SPATA32: variants seen among roughly 807,000 people sequenced by gnomAD.
SPATA32 encodes spermatogenesis-associated protein 32.
Under a neutral mutation model 35.4 loss-of-function variants are expected in SPATA32, and 28 were observed. That is an observed-to-expected ratio of 0.79 (90% CI 0.59 to 1.09). The LOEUF (loss-of-function observed/expected upper bound fraction) is 1.09. SPATA32 is among the 50% of genes least tolerant of loss of function. SPATA32 has a pLI of 0.00. For synonymous variants in SPATA32, 168 were observed against 196.3 expected, an observed-to-expected ratio of 0.86 and a Z score of 1.20; for missense variants, 409 against 475.9, an observed-to-expected ratio of 0.86 and a Z score of 1.31.
rs1217403502 is a variant in SPATA32 at position 45,255,060 on chromosome 17, C to T, written c.1067+55G>A. ...CCCCTACCCAGCTGTGTGAGGACCC[C>T]TGCCACGTTCTAGCACAGCCCCTCT... On this transcript the variant is annotated intron_variant, in intron 4 of 4. Coordinates refer to ENST00000331780, the MANE Select transcript of SPATA32 (RefSeq NM_152343.3). This position sits in a 1 kb window ranked among gnomAD's most constrained non-coding sequence, Gnocchi z 5.4. 1.9e-6 allele frequency: 3 copies of T among 1,559,568 alleles called. No homozygotes were observed. The African/African-American group carries it at 4.1e-5, about 21-fold the overall frequency.
intron 1 of SPATA32, among the ~76,000 whole-genome samples, chr17:45,258,206 T>G (rs1448221373): frequency 1.3e-5 from 2 of 152,164 alleles, no homozygotes; most frequent in East Asian, 3.9e-4. Context: ...GCATGGCTGG[T>G]CTTGGGATTG....
intron 1 of SPATA32, among the ~76,000 whole-genome samples, chr17:45,258,694 G>C (rs1284570944): frequency 6.6e-6 from 1 of 152,320 alleles, no homozygotes; most frequent in Non-Finnish European, 1.5e-5. Flanking sequence ...GAGTGTAGTG[G>C]TGTGATCTCG....
In SPATA32 at chr17:45,256,467, G is replaced by C; in HGVS notation, c.69-52C>G. 6.4e-7 allele frequency: 1 copy of C among 1,551,676 alleles called. No homozygotes were observed. The highest frequency in any genetic ancestry group is 1.1e-5 in the South Asian group (1 of 89,794). On this transcript the variant is annotated intron_variant, in intron 2 of 4. Coordinates refer to ENST00000331780, the MANE Select transcript of SPATA32 (RefSeq NM_152343.3). This position sits in a 1 kb window ranked among gnomAD's most constrained non-coding sequence, Gnocchi z 4.7. Reference sequence around the variant, plus strand: ...GATGGGGATCTGTGGGGCTTCAGCGGGAAGGGGGTTTCTGGGGCCCTCAAA... The same window carrying C: ...GATGGGGATCTGTGGGGCTTCAGCGCGAAGGGGGTTTCTGGGGCCCTCAAA...
intron 1 of SPATA32, among the ~76,000 whole-genome samples, 197 bp from the exon 2 acceptor site, chr17:45,257,404 C>T (rs75579233): frequency 2.0e-5 from 3 of 152,162 alleles, no homozygotes; most frequent in Non-Finnish European, 2.9e-5. Flanking sequence ...CTCCACTCTC[C>T]GTCTGTGCCT....
In SPATA32 at chr17:45,256,176, G is replaced by T; in HGVS notation, c.109-103C>A. The T allele has an allele frequency of 2.9e-6, 4 of 1,373,540 alleles. No individual in the cohort carries two copies. The highest frequency in any genetic ancestry group is 2.0e-5 in the Admixed American group (1 of 50,786). 85.1% of individuals were successfully genotyped at this position (1,373,540 alleles called of 1,614,324 possible). ...CTGCCCCACCCCTGCCCTGGGTCCT[G>T]CTGTCTTCCCCCCGCCCCCTAACCC... On this transcript the variant is annotated intron_variant, in intron 3 of 4. Coordinates refer to ENST00000331780, the MANE Select transcript of SPATA32 (RefSeq NM_152343.3). This position sits in a 1 kb window ranked among gnomAD's most constrained non-coding sequence, Gnocchi z 4.7.
chr17:45,258,035 C>T (rs917084266), intron 1 of SPATA32, among the ~76,000 whole-genome samples: 1 of 152,180 alleles, frequency 6.6e-6, no homozygotes, highest in Non-Finnish European at 1.5e-5. Flanking sequence ...ATCATGACAA[C>T]CCTGCCATCA....
At chr17:45,259,663 G>A (rs113187844) in intron 1 of SPATA32, among the ~76,000 whole-genome samples, 4 of 152,072 alleles carry the variant, frequency 2.6e-5, no homozygotes, top group African/African-American at 4.8e-5. Flanking sequence ...GGGACTACAC[G>A]TGTTCACCAC....
rs1399923921 is a variant in SPATA32 at position 45,255,915 on chromosome 17, C to A, written c.267G>T (p.Thr89=). The A allele has an allele frequency of 5.6e-6, 9 of 1,614,134 alleles. No homozygotes were observed. The East Asian group carries it at 2.0e-4, about 36-fold the overall frequency. The part of the protein sequence containing the change: ...PALKLEAELD[T]EANSNEESDF... ...CAGACTCCTCGTTCGAGTTGGCTTC[C>A]GTGTCCAGCTCAGCTTCAAGCTTGA... Residue 89 remains threonine (T), a synonymous_variant, in exon 4 of 5, where the codon ACG becomes ACT. Transcript: ENST00000331780. The surrounding 1 kb of genome is among the most constrained non-coding windows in gnomAD (Gnocchi z 5.4).
rs143965977 is a variant in SPATA32 at position 45,255,094 on chromosome 17, T to C, written c.1067+21A>G. 1,213 of 1,608,838 alleles carry C rather than the reference T, an allele frequency of 7.5e-4. 16 individuals carry two copies. In the African/African-American group the frequency reaches 0.015, roughly 19 times the overall value. ...TCTAGCACAGCCCCTCTATGGGAGC[T>C]GCGGGGCTGGCCTCACTCACTCTTC... On this transcript the variant is annotated intron_variant, in intron 4 of 4. Coordinates refer to ENST00000331780, the MANE Select transcript of SPATA32 (RefSeq NM_152343.3). The surrounding 1 kb of genome is among the most constrained non-coding windows in gnomAD (Gnocchi z 5.4).
rs761506249 is a variant in SPATA32, at chr17:45,256,391, T to A, written c.93A>T (p.Ile31=). 6.2e-7 allele frequency: 1 copy of A among 1,610,242 alleles called. No individual in the cohort carries two copies. Among genetic ancestry groups the A allele is most frequent in the Admixed American group, 1.7e-5 (1 of 59,652 alleles). ...CCATTTTTACCTCCTGTTCCTCTTG[T>A]ATCTGGTGTTGACTTAAGTCATCTC... The part of the protein sequence containing the change: ...EMRDDLSQHQ[I]QEEQELEADM... Residue 31 remains isoleucine, a synonymous_variant, in exon 3 of 5, where the codon ATA becomes ATT. Transcript: ENST00000331780. The surrounding 1 kb of genome is among the most constrained non-coding windows in gnomAD (Gnocchi z 4.7).
At position 45,255,139 on chromosome 17, in the gene SPATA32, G is replaced by C. The variant is rs765293826; in HGVS notation, c.1043C>G (p.Pro348Arg). Residue 348 changes from proline (P) to arginine (R), a missense_variant, in exon 4 of 5, where the codon CCT becomes CGT. By Grantham distance (103) the Pro-to-Arg change is moderately radical. Transcript: ENST00000331780. The surrounding 1 kb of genome is among the most constrained non-coding windows in gnomAD (Gnocchi z 5.4). The stretch of plus-strand genomic sequence containing the variant: ...CTCTTCCTTGCTTCCCTGCAGCAGA[G>C]GGGACGTGGCTGGTGGCTGGAGAAG... ...IQLLQPPATS[P>R]LLQGSKEDSV... 3.1e-6 allele frequency: 5 copies of C among 1,614,202 alleles called. No homozygotes were observed. The Admixed American group carries it at 8.3e-5, about 27-fold the overall frequency.
At chr17:45,254,539 CTT>C (rs1299977133) in intron 4 of SPATA32, 26 bp from the exon 5 acceptor site, 1 of 1,612,230 alleles carries the variant, frequency 6.2e-7, no homozygotes, top group Admixed American at 1.7e-5. Flanking sequence ...GAGAGTGTCA[CTT>C]GGGCCCCAGA....
rs954968468 is a variant in SPATA32 at position 45,255,229 on chromosome 17, G to C, written c.953C>G (p.Ala318Gly). The part of the protein sequence containing the change: ...KSWSQEDKNF[A>G]QSYFDFSKPG... ...CTTGCTGAAGTCAAAGTAAGATTGA[G>C]CGAAGTTCTTGTCTTCCTGACTCCA... Residue 318 changes from alanine (A) to glycine (G), a missense_variant, in exon 4 of 5, where the codon GCT becomes GGT. Transcript: ENST00000331780. The surrounding 1 kb of genome is among the most constrained non-coding windows in gnomAD (Gnocchi z 5.4). The C allele has an allele frequency of 3.7e-6, 6 of 1,614,078 alleles. No individual in the cohort carries two copies. Among genetic ancestry groups the C allele is most frequent in the Non-Finnish European group, 4.2e-6 (5 of 1,180,046 alleles).
At chr17:45,257,337 T>C (rs2043967862) in intron 1 of SPATA32, 130 bp from the exon 2 acceptor site, 4 of 993,254 alleles carry the variant, frequency 4.0e-6, no homozygotes, top group Non-Finnish European at 6.1e-6. Context: ...CTCACCGTCC[T>C]GCCCCGCTCT....
At position 45,256,290 on chromosome 17, in the gene SPATA32, G is replaced by A. The variant is rs1445997964; in HGVS notation, c.108+86C>T. ...GGCCTGGTACTAGGGTCCCAGGATT[G>A]TCAAGGGTAGGGGCTGGTGGGGACT... On this transcript the variant is annotated intron_variant, in intron 3 of 4. Transcript: ENST00000331780. This position sits in a 1 kb window ranked among gnomAD's most constrained non-coding sequence, Gnocchi z 4.7. 2 of 1,425,406 alleles carry A rather than the reference G, an allele frequency of 1.4e-6. No homozygotes were observed. The highest frequency in any genetic ancestry group is 2.0e-6 in the Non-Finnish European group (2 of 1,008,368). 88.3% of individuals were successfully genotyped at this position (1,425,406 alleles called of 1,614,324 possible). A position where few individuals can be genotyped will look rare whatever the true frequency, so the allele number is the denominator to read the frequency against.
Position 45,256,124 on chromosome 17 carries a change from C to T in SPATA32, c.109-51G>A. ...GGAGGCAGGAGCGGGAGGTCCTGCC[C>T]CTGAGGCCCTCCCTGGCACCGAGTC... On this transcript the variant is annotated intron_variant, in intron 3 of 4. Coordinates refer to ENST00000331780, the MANE Select transcript of SPATA32 (RefSeq NM_152343.3). This position sits in a 1 kb window ranked among gnomAD's most constrained non-coding sequence, Gnocchi z 4.7. 3 of 1,545,112 alleles carry T rather than the reference C, an allele frequency of 1.9e-6. No individual in the cohort carries two copies. Among genetic ancestry groups the T allele is most frequent in the Non-Finnish European group, 2.6e-6 (3 of 1,137,680 alleles).
chr17:45,257,295 C>T, intron 1 of SPATA32, 88 bp from the exon 2 acceptor site: 1 of 1,372,460 alleles, frequency 7.3e-7, no homozygotes, highest in Non-Finnish European at 1.0e-6. Flanking sequence ...TTTTCCTGCC[C>T]TTCTTTTCTC....
intron 1 of SPATA32, among the ~76,000 whole-genome samples, chr17:45,260,317 C>G (rs542422240): frequency 6.6e-6 from 1 of 152,174 alleles, no homozygotes; most frequent in South Asian, 2.1e-4. Context: ...TGACCCCTGT[C>G]TCCCTTTCTA....
At chr17:45,258,912 A>G (rs996711220) in intron 1 of SPATA32, among the ~76,000 whole-genome samples, 2 of 152,212 alleles carry the variant, frequency 1.3e-5, no homozygotes, top group African/African-American at 4.8e-5. Context: ...CTGGGATTAC[A>G]GGCATGAGCC....
Sources: allele counts gnomAD v4.1 joint callset (sites outside exome capture counted in the v4.1 genomes callset), GRCh38; gene constraint gnomAD v4.1.1; non-coding constraint Gnocchi (gnomAD v3.1); transcripts MANE v1.5; gene names NCBI Gene and HGNC (gene_info 2026-07-23, HGNC 2026-07-21).